The following ABHD6 variants were observed in gnomAD, a reference collection of about 807,000 sequenced individuals.
The protein encoded by ABHD6 is abhydrolase domain containing 6, acylglycerol lipase.
Under a neutral mutation model 38.8 loss-of-function variants are expected in ABHD6, and 33 were observed. That is an observed-to-expected ratio of 0.85 (90% confidence interval 0.64 to 1.14). The LOEUF (loss-of-function observed/expected upper bound fraction) is 1.14, where lower values mean the gene tolerates loss of function less well. Ranked by LOEUF, ABHD6 falls within the 50% of genes most tolerant of loss-of-function variation. The pLI is 0.00. For synonymous variants in ABHD6, 147 were observed against 161.6 expected, an observed-to-expected ratio of 0.91 and a Z score of 0.69; for missense variants, 380 against 422.6, an observed-to-expected ratio of 0.90 and a Z score of 0.88.
chr3:58,286,844 G>GTATTCATATATATATATATATA (rs1553721712), intron 9 of ABHD6, among the ~76,000 whole-genome samples: 2 of 50,068 alleles, frequency 4.0e-5, no homozygotes, highest in Admixed American at 1.9e-4. Flanking sequence ...GTGTGTGTGT[G>GTATTCATATATATATATATATA]TGTGTGTGTA....
At chr3:58,247,039 C>CT (rs11341432) in intron 1 of ABHD6, among the ~76,000 whole-genome samples, 4,622 of 138,778 alleles carry the variant, frequency 0.033, 229 homozygotes, top group African/African-American at 0.11. Context: ...TCTAATGGGC[C>CT]TTTTTTTTTT....
intron 9 of ABHD6, among the ~76,000 whole-genome samples, chr3:58,288,646 G>A (rs1416852766): frequency 1.3e-5 from 2 of 152,112 alleles, no homozygotes; most frequent in Non-Finnish European, 2.9e-5. Context: ...CCAGTTAACA[G>A]GCATTTATTG....
At chr3:58,260,980 G>C (rs141373221) in intron 3 of ABHD6, among the ~76,000 whole-genome samples, 134 of 152,316 alleles carry the variant, frequency 8.8e-4, no homozygotes, top group Admixed American at 4.2e-3. Context: ...GACTATGGCT[G>C]CTCCTGCAGG....
At chr3:58,274,290 T>C (rs1057490022) in intron 6 of ABHD6, among the ~76,000 whole-genome samples, 10 of 152,230 alleles carry the variant, frequency 6.6e-5, no homozygotes, top group African/African-American at 2.2e-4. Context: ...GCAAGTTGTC[T>C]TCTAGGCTAA....
chr3:58,270,058 T>C (rs936626069), intron 5 of ABHD6, among the ~76,000 whole-genome samples: 15 of 152,252 alleles, frequency 9.9e-5, no homozygotes, highest in African/African-American at 3.4e-4. Flanking sequence ...TTTCAGCATC[T>C]AATCATAGTT....
At chr3:58,283,985 T>G (rs3773008) in intron 7 of ABHD6, among the ~76,000 whole-genome samples, 83,892 of 152,130 alleles carry the variant, frequency 0.55, 25,856 homozygotes, top group African/African-American at 0.84. Flanking sequence ...CCATGGCTGG[T>G]TCTTCCCCAC....
rs371676754 is a variant in ABHD6 at position 58,256,161 on chromosome 3, C to G, written c.-25-401C>G. Reference sequence around the variant, plus strand: ...ACCTTTAAAAGTGAGTAGCAGATACCATTATACTTCACCCCTTACAACTTC... The same window carrying G: ...ACCTTTAAAAGTGAGTAGCAGATACGATTATACTTCACCCCTTACAACTTC... On this transcript the variant is annotated intron_variant, in intron 2 of 9. Coordinates refer to ENST00000478253, the MANE Select transcript of ABHD6 (RefSeq NM_001320126.2). This position sits in a 1 kb window ranked among gnomAD's most constrained non-coding sequence, Gnocchi z 4.3. Among the ~76,000 whole-genome samples the G allele has an allele frequency of 6.6e-6, 1 of 151,122 alleles. No homozygotes were observed. The highest frequency in any genetic ancestry group is 1.5e-5 in the Non-Finnish European group (1 of 67,886).
intron 7 of ABHD6, among the ~76,000 whole-genome samples, chr3:58,279,300 A>G (rs972677784): frequency 2.6e-5 from 4 of 152,166 alleles, no homozygotes; most frequent in African/African-American, 4.8e-5. Flanking sequence ...TTGGGTGCAT[A>G]TATATTTAGG....
rs191366958 is a variant in ABHD6, at chr3:58,281,025, T to C, written c.682-4060T>C. On this transcript the variant is annotated intron_variant, in intron 7 of 9. Transcript: ENST00000478253. ...GTGTCAATCAGCCCCTACTGGGAGG[T>C]GTCTCCCAGTTAGGCTACACGAGGG... 4.1e-3 allele frequency among the ~76,000 whole-genome samples: 616 copies of C among 152,080 alleles called. 5 individuals carry two copies. Among genetic ancestry groups the C allele is most frequent in the African/African-American group, 0.014 (569 of 41,494 alleles).
In ABHD6 at chr3:58,257,203, G is replaced by A. The variant is rs1331752647; in HGVS notation, c.119+498G>A. ...ATTACAGGCATGAGCCATCATACCC[G>A]GCCCTTTTAGGTTTCTGATAGCATC... On this transcript the variant is annotated intron_variant, in intron 3 of 9. Coordinates refer to ENST00000478253, the MANE Select transcript of ABHD6 (RefSeq NM_001320126.2). The surrounding 1 kb of genome is among the most constrained non-coding windows in gnomAD (Gnocchi z 4.8). Among the ~76,000 whole-genome samples, 3 of 151,908 alleles carry A rather than the reference G, an allele frequency of 2.0e-5. No individual in the cohort carries two copies. Among genetic ancestry groups the A allele is most frequent in the South Asian group, 2.1e-4 (1 of 4,820 alleles).
intron 3 of ABHD6, among the ~76,000 whole-genome samples, chr3:58,260,444 A>G (rs767171257): frequency 3.9e-5 from 6 of 152,196 alleles, no homozygotes; most frequent in Admixed American, 6.5e-5. Flanking sequence ...TTAGTAATAA[A>G]ACCCATGATG....
chr3:58,275,759 C>T (rs573126937), intron 7 of ABHD6, among the ~76,000 whole-genome samples: 21 of 152,300 alleles, frequency 1.4e-4, no homozygotes, highest in African/African-American at 5.1e-4. Context: ...TCACCATTCA[C>T]GTTAGGTATT....
chr3:58,247,552 A>G (rs571157629), intron 1 of ABHD6, among the ~76,000 whole-genome samples: 70 of 152,080 alleles, frequency 4.6e-4, no homozygotes, highest in African/African-American at 1.6e-3. Context: ...AGGAGTTTGT[A>G]TTGTAGTTAT....
chr3:58,248,897 G>A (rs554337941), intron 1 of ABHD6, among the ~76,000 whole-genome samples: 25 of 152,248 alleles, frequency 1.6e-4, no homozygotes, highest in South Asian at 1.0e-3. Context: ...TACAATAAAG[G>A]AAGATCACCA....
chr3:58,261,512 T>C (rs1313826496), intron 3 of ABHD6, among the ~76,000 whole-genome samples: 1 of 152,108 alleles, frequency 6.6e-6, no homozygotes, highest in Non-Finnish European at 1.5e-5. Flanking sequence ...TAACTGGGGC[T>C]ACAGGTGTGT....
rs1386230389 is a variant in ABHD6, at chr3:58,287,064, C to A, written c.837+1611C>A. On this transcript the variant is annotated intron_variant, in intron 9 of 9. Coordinates refer to ENST00000478253, the MANE Select transcript of ABHD6 (RefSeq NM_001320126.2). This position sits in a 1 kb window ranked among gnomAD's most constrained non-coding sequence, Gnocchi z 4.7. ...GGCTAAGGCAGGAGGATTGCTTGAG[C>A]CCAGGAGTTTGAGACCAACCTGGGC... Among the ~76,000 whole-genome samples the A allele has an allele frequency of 6.7e-6, 1 of 150,364 alleles. No homozygotes were observed. Among genetic ancestry groups the A allele is most frequent in the Non-Finnish European group, 1.5e-5 (1 of 67,596 alleles).
chr3:58,290,842 C>T (rs1181013314), intron 9 of ABHD6, among the ~76,000 whole-genome samples: 1 of 150,262 alleles, frequency 6.7e-6, no homozygotes, highest in Non-Finnish European at 1.5e-5. Context: ...AGAGGCGCTC[C>T]TCACTTCCTA....
At chr3:58,272,166 T>G (rs1159273150) in intron 6 of ABHD6, among the ~76,000 whole-genome samples, 1 of 152,166 alleles carries the variant, frequency 6.6e-6, no homozygotes, top group Non-Finnish European at 1.5e-5. Flanking sequence ...TTGTCTAAAT[T>G]TAAATGTGCA....
At position 58,263,779 on chromosome 3, in the gene ABHD6, T is replaced by C. The variant is rs1165548807; in HGVS notation, c.120-3410T>C. Among the ~76,000 whole-genome samples, 1 of 152,158 alleles carries C rather than the reference T, an allele frequency of 6.6e-6. No individual in the cohort carries two copies. On this transcript the variant is annotated intron_variant, in intron 3 of 9. Coordinates refer to ENST00000478253, the MANE Select transcript of ABHD6 (RefSeq NM_001320126.2). The surrounding 1 kb of genome is among the most constrained non-coding windows in gnomAD (Gnocchi z 4.9). ...TGTATGAGAGTTATAGAGAATTTGA[T>C]GATTATAAAAACGTAACCCATTCGA...
Sources: allele counts gnomAD v4.1 joint callset (sites outside exome capture counted in the v4.1 genomes callset), GRCh38; gene constraint gnomAD v4.1.1; non-coding constraint Gnocchi (gnomAD v3.1); transcripts MANE v1.5; gene names NCBI Gene and HGNC (gene_info 2026-07-23, HGNC 2026-07-21).